MLIP: variants seen among roughly 807,000 people sequenced by gnomAD.
MLIP encodes muscular LMNA interacting protein.
A neutral mutation model predicts 84.8 loss-of-function variants in MLIP; 79 were observed. That is an observed-to-expected ratio of 0.93 (90% CI 0.78 to 1.12). The LOEUF (loss-of-function observed/expected upper bound fraction) is 1.12. Among genes scored for constraint, MLIP ranks in the 50% most tolerant of loss-of-function variants. The pLI is 0.00. For synonymous variants in MLIP, 504 were observed against 463.0 expected, an observed-to-expected ratio of 1.09 and a Z score of -1.14; for missense variants, 1,257 against 1,160.6, an observed-to-expected ratio of 1.08 and a Z score of -1.21.
chr6:54,113,129 T>C (rs956878310), intron 1 of MLIP, among the ~76,000 whole-genome samples: 2 of 152,204 alleles, frequency 1.3e-5, no homozygotes, highest in Admixed American at 1.3e-4. Context: ...GACTTTCATA[T>C]ATTATTTTTT....
chr6:54,055,796 G>A (rs536336770), intron 1 of MLIP, among the ~76,000 whole-genome samples: 44 of 152,202 alleles, frequency 2.9e-4, no homozygotes, highest in African/African-American at 9.9e-4. Flanking sequence ...AAGGTGATCA[G>A]GGACTGCCGA....
intron 3 of MLIP, among the ~76,000 whole-genome samples, chr6:54,128,493 G>C (rs996502586): frequency 3.3e-5 from 5 of 152,106 alleles, no homozygotes; most frequent in African/African-American, 9.7e-5. Flanking sequence ...GGAAACTAAT[G>C]AGACTTTCCA....
chr6:54,197,298 G>A (rs1373476809), intron 10 of MLIP, among the ~76,000 whole-genome samples: 3 of 151,938 alleles, frequency 2.0e-5, no homozygotes, highest in Non-Finnish European at 4.4e-5. Flanking sequence ...GACATGACTC[G>A]ACTTATACTG....
intron 1 of MLIP, among the ~76,000 whole-genome samples, chr6:54,091,891 A>G (rs371346329): frequency 1.3e-5 from 2 of 152,264 alleles, no homozygotes; most frequent in African/African-American, 4.8e-5. Flanking sequence ...GATTTCTGCT[A>G]TTAATTCTTT....
At chr6:54,223,895 A>G (rs551082385) in intron 11 of MLIP, among the ~76,000 whole-genome samples, 3 of 152,204 alleles carry the variant, frequency 2.0e-5, no homozygotes, top group East Asian at 1.9e-4. Context: ...ATTATTGTCT[A>G]TTAGAACTGA....
At chr6:54,025,592 C>T (rs1763754239) in intron 1 of MLIP, among the ~76,000 whole-genome samples, 1 of 152,030 alleles carries the variant, frequency 6.6e-6, no homozygotes, top group Non-Finnish European at 1.5e-5. Context: ...TGGAAACCTC[C>T]TTCCTTGTCT....
chr6:54,216,412 T>C (rs1582529712), intron 11 of MLIP: 20 of 985,296 alleles, frequency 2.0e-5, no homozygotes, highest in Non-Finnish European at 2.2e-5. Flanking sequence ...AAACTCAGCA[T>C]TGTAGTCCTC....
rs1781871371 is a variant in MLIP, at chr6:54,243,442, G to A, written c.2922+12525G>A. 2.0e-5 allele frequency among the ~76,000 whole-genome samples: 3 copies of A among 152,102 alleles called. No individual in the cohort carries two copies. In the South Asian group the frequency reaches 6.2e-4, roughly 32 times the overall value. ...GCTTCCACCTTCCTGAACATAATGA[G>A]TTATCTGAACTGGGGGGAAAAAGCA... On this transcript the variant is annotated intron_variant, in intron 12 of 13. Transcript: ENST00000502396.
rs544063596 is a variant in MLIP at position 54,142,834 on chromosome 6, G to C, written c.2217+4548G>C. 2.6e-5 allele frequency among the ~76,000 whole-genome samples: 4 copies of C among 151,880 alleles called. No homozygotes were observed. The South Asian group carries it at 8.3e-4, about 32-fold the overall frequency. On this transcript the variant is annotated intron_variant, in intron 4 of 13. Transcript: ENST00000502396. ...GTTATAGCAGTGAAGGTGAAGATAA[G>C]ATTTCCATTATGTTTTGTAGGCAGA... is the stretch of plus-strand genomic sequence containing the variant.
chr6:54,122,029 G>GCTTA (rs1167878252), intron 2 of MLIP, among the ~76,000 whole-genome samples: 1 of 152,170 alleles, frequency 6.6e-6, no homozygotes, highest in Non-Finnish European at 1.5e-5. Context: ...ATATTGGCAT[G>GCTTA]CTTACACTTT....
chr6:54,077,074 G>A (rs1457089274), intron 1 of MLIP, among the ~76,000 whole-genome samples: 1 of 152,078 alleles, frequency 6.6e-6, no homozygotes, highest in Non-Finnish European at 1.5e-5. Flanking sequence ...TACTTTGCCT[G>A]TTGCTTTGCC....
chr6:54,252,731 G>A (rs1173277423), intron 12 of MLIP, among the ~76,000 whole-genome samples: 3 of 151,728 alleles, frequency 2.0e-5, no homozygotes, highest in Non-Finnish European at 4.4e-5. Context: ...CAAGGTTAGT[G>A]TTGGAAGATC....
At chr6:54,034,255 G>A (rs1298660524) in intron 1 of MLIP, among the ~76,000 whole-genome samples, 2 of 152,114 alleles carry the variant, frequency 1.3e-5, no homozygotes, top group Non-Finnish European at 2.9e-5. Flanking sequence ...TAGGATACAT[G>A]AAACCCCTGA....
In MLIP at chr6:54,064,062, G is replaced by A. The variant is rs1299489638; in HGVS notation, c.63+44971G>A. On this transcript the variant is annotated intron_variant, in intron 1 of 12. Coordinates refer to the MLIP transcript ENST00000274897. ...TATTTTCTAACTACTAAAAATTATT[G>A]GTTTTAGTTTGGAAATAATTCAGAT... Among the ~76,000 whole-genome samples the A allele has an allele frequency of 2.2e-4, 22 of 99,244 alleles. 10 individuals are homozygous for A. Among genetic ancestry groups the A allele is most frequent in the Non-Finnish European group, 5.5e-4 (19 of 34,574 alleles). The allele number at this position is 99,244 out of a possible 152,430, so 65.1% of individuals were successfully genotyped here.
intron 9 of MLIP, among the ~76,000 whole-genome samples, chr6:54,169,916 A>G (rs531505465): frequency 3.0e-4 from 46 of 151,888 alleles, no homozygotes; most frequent in African/African-American, 1.1e-3. Flanking sequence ...CATATACTTG[A>G]AACATTAAGA....
chr6:54,074,664 A>G (rs1310914440), intron 1 of MLIP, among the ~76,000 whole-genome samples: 1 of 152,188 alleles, frequency 6.6e-6, no homozygotes, highest in African/African-American at 2.4e-5. Context: ...GCTGAAGCTC[A>G]GTGGCATCCA....
intron 12 of MLIP, among the ~76,000 whole-genome samples, chr6:54,245,504 G>A (rs1782017635): frequency 6.6e-6 from 1 of 152,158 alleles, no homozygotes; most frequent in South Asian, 2.1e-4. Flanking sequence ...TTAGCTGAGT[G>A]AATGCGCAGT....
At chr6:54,176,112 C>G (rs1776258773) in intron 9 of MLIP, among the ~76,000 whole-genome samples, 1 of 151,926 alleles carries the variant, frequency 6.6e-6, no homozygotes, top group Non-Finnish European at 1.5e-5. Context: ...TTTTAATGCA[C>G]TGTTGAATTT....
At chr6:54,060,985 C>CTT (rs78569538) in intron 1 of MLIP, among the ~76,000 whole-genome samples, 29 of 128,066 alleles carry the variant, frequency 2.3e-4, no homozygotes, top group Admixed American at 4.7e-4. Context: ...TTTACTGTTT[C>CTT]TTTTTTTTTT....
Sources: allele counts gnomAD v4.1 joint callset (sites outside exome capture counted in the v4.1 genomes callset), GRCh38; gene constraint gnomAD v4.1.1; transcripts MANE v1.5; gene names NCBI Gene and HGNC (gene_info 2026-07-23, HGNC 2026-07-21).